Variants in ATG3 observed in about 807,000 individuals in gnomAD.
The protein encoded by ATG3 is autophagy related 3, also known as ubiquitin-like-conjugating enzyme ATG3.
Under a neutral mutation model 50.7 loss-of-function variants are expected in ATG3, and 25 were observed. That is an observed-to-expected ratio of 0.49 (90% confidence interval 0.36 to 0.69). The LOEUF (loss-of-function observed/expected upper bound fraction) is 0.69, where lower values mean the gene tolerates loss of function less well. Among genes scored for constraint, ATG3 ranks in the 30% least tolerant of loss-of-function variants. ATG3 has a pLI of 0.00. For synonymous variants in ATG3, 119 were observed against 125.5 expected (o/e 0.95, Z 0.34); for missense variants, 281 against 376.0 (o/e 0.75, Z 2.09).
intron 6 of ATG3, among the ~76,000 whole-genome samples, chr3:112,542,372 AAGATATC>A (rs1415140590): frequency 1.3e-5 from 2 of 152,146 alleles, no homozygotes; most frequent in Non-Finnish European, 2.9e-5. Flanking sequence ...TAAAATGCAC[AAGATATC>A]AGTTCAATTT....
chr3:112,548,703 AAAG>A (rs1933441124), intron 4 of ATG3, 63 bp from the exon 5 acceptor site: 3 of 1,392,914 alleles, frequency 2.2e-6, no homozygotes, highest in South Asian at 1.2e-5. Flanking sequence ...AATCCATTAG[AAAG>A]AAGAGAGCTT....
intron 5 of ATG3, 96 bp from the exon 6 acceptor site, chr3:112,544,202 A>G (rs965923969): frequency 7.3e-5 from 76 of 1,038,318 alleles, no homozygotes; most frequent in Non-Finnish European, 1.0e-4. Context: ...AATTCTCACA[A>G]TTTCTCTGAA....
chr3:112,544,256 A>C lies in ATG3; in HGVS notation c.344-150T>G, dbSNP rs1933313130. ...GTAGTATCTTTACAAATGAACTCTA[A>C]TGAGAATAGTCACAATGGCACCTCC... On this transcript the variant is annotated intron_variant, in intron 5 of 11. Transcript: ENST00000283290. The C allele has an allele frequency of 1.5e-5, 9 of 610,554 alleles. No homozygotes were observed. The Admixed American group carries it at 2.4e-4, about 16-fold the overall frequency. 37.8% of individuals were successfully genotyped at this position (610,554 alleles called of 1,614,324 possible). A position where few individuals can be genotyped will look rare whatever the true frequency, so the allele number is the denominator to read the frequency against.
intron 7 of ATG3, among the ~76,000 whole-genome samples, chr3:112,539,400 T>G (rs1933164932): frequency 6.6e-6 from 1 of 152,150 alleles, no homozygotes; most frequent in South Asian, 2.1e-4. Flanking sequence ...CCAAACGTGT[T>G]CCCACCTCAG....
Position 112,538,389 on chromosome 3 carries a change from CATA to C in ATG3, c.476-212_476-210del, listed in dbSNP as rs1430986996. 1.7e-5 allele frequency: 9 copies of C among 517,026 alleles called. No homozygotes were observed. The East Asian group carries it at 2.0e-4, about 12-fold the overall frequency. 32.0% of individuals were successfully genotyped at this position (517,026 alleles called of 1,614,324 possible). ...GAAAGCCAGCATGTTTAAGGCTTGA[CATA>C]ATAATACTGTAGAGTCCTCAGTGGC... On this transcript the variant is annotated intron_variant, in intron 7 of 11. Coordinates refer to ENST00000283290, the MANE Select transcript of ATG3 (RefSeq NM_022488.5).
chr3:112,555,537 T>C (rs993890911), intron 2 of ATG3, among the ~76,000 whole-genome samples: 20 of 152,236 alleles, frequency 1.3e-4, no homozygotes, highest in African/African-American at 4.8e-4. Context: ...TCTTTGTTTT[T>C]TGACAATACA....
chr3:112,532,749 C>T lies in ATG3; in HGVS notation c.895G>A (p.Ala299Thr), dbSNP rs763375936. Residue 299 changes from alanine (A) to threonine (T), a missense_variant, in exon 12 of 12, where the codon GCT becomes ACT. Around this residue, in one of 3 missense-constraint regions of ATG3, gnomAD observed 242 missense variants for 305.0 expected, o/e 0.79. Transcript: ENST00000283290. Reference sequence around the variant, plus strand: ...TCATATTCTATTGTTGGAATGACAGCTTGTACAAATTTCAAGAAAATAAGA... The same window carrying T: ...TCATATTCTATTGTTGGAATGACAGTTTGTACAAATTTCAAGAAAATAAGA... ...YLLIFLKFVQ[A>T]VIPTIEYDYT... 6.3e-7 allele frequency: 1 copy of T among 1,598,752 alleles called. No individual in the cohort carries two copies. The highest frequency in any genetic ancestry group is 1.7e-5 in the Admixed American group (1 of 58,410).
At chr3:112,544,229 T>C (rs1933312428) in intron 5 of ATG3, 123 bp from the exon 6 acceptor site, 3 of 722,030 alleles carry the variant, frequency 4.2e-6, no homozygotes, top group East Asian at 2.6e-5. Flanking sequence ...AGGCAAATAA[T>C]AGTAGTATCT....
At chr3:112,541,563 C>T (rs1933228199) in intron 7 of ATG3, among the ~76,000 whole-genome samples, 1 of 152,094 alleles carries the variant, frequency 6.6e-6, no homozygotes, top group Admixed American at 6.5e-5. Flanking sequence ...ATATTTATGA[C>T]TAATAGTTAT....
chr3:112,547,566 A>T (rs1283441676), intron 5 of ATG3, among the ~76,000 whole-genome samples: 1 of 152,268 alleles, frequency 6.6e-6, no homozygotes, highest in African/African-American at 2.4e-5. Context: ...AGCATATGAT[A>T]ATATGCATGT....
rs564587380 is a variant in ATG3, at chr3:112,533,647, T to C, written c.863+622A>G. ...TTCAAGCTATCTGGCATGTAAATCATTGATTTTGACTGTTTTTGATAAATC... is the reference window on the plus strand; with the variant it reads ...TTCAAGCTATCTGGCATGTAAATCACTGATTTTGACTGTTTTTGATAAATC... On this transcript the variant is annotated intron_variant, in intron 11 of 11. Transcript: ENST00000283290. 2.8e-4 allele frequency: 280 copies of C among 985,326 alleles called. 2 individuals carry two copies. Among genetic ancestry groups the C allele is most frequent in the Non-Finnish European group, 3.0e-4 (250 of 829,836 alleles). 61.0% of individuals were successfully genotyped at this position (985,326 alleles called of 1,614,324 possible).
chr3:112,545,699 A>G (rs1576720527), intron 5 of ATG3, among the ~76,000 whole-genome samples: 1 of 152,238 alleles, frequency 6.6e-6, no homozygotes, highest in African/African-American at 2.4e-5. Flanking sequence ...AAATATAATA[A>G]GTAGTACGCC....
In ATG3 at chr3:112,534,260, G is replaced by A; in HGVS notation, c.863+9C>T. 1.3e-6 allele frequency: 2 copies of A among 1,596,544 alleles called. No individual in the cohort carries two copies. Among genetic ancestry groups the A allele is most frequent in the East Asian group, 2.3e-5 (1 of 44,136 alleles). On this transcript the variant is annotated intron_variant, in intron 11 of 11. Coordinates refer to ENST00000283290, the MANE Select transcript of ATG3 (RefSeq NM_022488.5). ...TTTTGCCACTAATCTTACATACAGG[G>A]AAGGATACATATGAACTCCAAGTTC...
chr3:112,536,320 G>A, intron 10 of ATG3, 155 bp downstream of exon 10: 2 of 820,332 alleles, frequency 2.4e-6, no homozygotes, highest in East Asian at 2.9e-5. Flanking sequence ...ATATATTTAA[G>A]CACAAGAAAA....
At chr3:112,538,301 G>T in intron 7 of ATG3, 121 bp from the exon 8 acceptor site, 1 of 711,662 alleles carries the variant, frequency 1.4e-6, no homozygotes, top group Non-Finnish European at 2.3e-6. Context: ...GTTTTTAAGT[G>T]AAGATATTGA....
intron 10 of ATG3, 111 bp downstream of exon 10, chr3:112,536,364 T>C: frequency 7.4e-7 from 1 of 1,354,624 alleles, no homozygotes; most frequent in Non-Finnish European, 1.0e-6. Context: ...TTTTACTTTT[T>C]AGTAAGAAAA....
At chr3:112,556,763 A>C (rs7374457) in intron 2 of ATG3, among the ~76,000 whole-genome samples, 1 of 151,884 alleles carries the variant, frequency 6.6e-6, no homozygotes, top group South Asian at 2.1e-4. Context: ...TGCTGTGTCC[A>C]CTCAGGGTTG....
intron 5 of ATG3, among the ~76,000 whole-genome samples, chr3:112,545,512 C>T (rs142554469): frequency 4.3e-4 from 65 of 152,310 alleles, no homozygotes; most frequent in African/African-American, 1.5e-3. Context: ...AAATAGCTCA[C>T]TTTCACAAAT....
intron 6 of ATG3, among the ~76,000 whole-genome samples, chr3:112,542,906 T>A (rs1576718236): frequency 6.6e-6 from 1 of 152,130 alleles, no homozygotes; most frequent in East Asian, 1.9e-4. Context: ...ATGGTCAGAG[T>A]AAACAAGATC....
Sources: allele counts gnomAD v4.1 joint callset (sites outside exome capture counted in the v4.1 genomes callset), GRCh38; gene constraint gnomAD v4.1.1; regional missense constraint gnomAD v4.1.1; transcripts MANE v1.5; gene names NCBI Gene and HGNC (gene_info 2026-07-23, HGNC 2026-07-21).